The following VPS8 variants were observed in gnomAD, a reference collection of about 807,000 sequenced individuals.
VPS8 encodes the protein VPS8 subunit of CORVET complex, also known as vacuolar protein sorting-associated protein 8 homolog.
In VPS8, 129 loss-of-function variants were observed where a neutral mutation model predicts 216.4. The ratio of observed to expected loss-of-function variants is 0.60; its 90% confidence interval spans 0.52 to 0.69. The LOEUF (loss-of-function observed/expected upper bound fraction) is 0.69, where lower values mean the gene tolerates loss of function less well. Ranked by LOEUF, VPS8 falls within the 30% of genes least tolerant of loss-of-function variation. The pLI, the probability that VPS8 is intolerant of heterozygous loss-of-function variation, is 0.00. For synonymous variants in VPS8, 571 were observed against 565.4 expected, an observed-to-expected ratio of 1.01 and a Z score of -0.14; for missense variants, 1,531 against 1,683.5, an observed-to-expected ratio of 0.91 and a Z score of 1.59.
intron 28 of VPS8, among the ~76,000 whole-genome samples, chr3:184,918,253 G>A (rs1439253436): frequency 1.3e-5 from 2 of 152,264 alleles, no homozygotes; most frequent in East Asian, 1.9e-4. Context: ...ATGTTGACCC[G>A]TGGATTAGGA....
In VPS8 at chr3:184,915,472, C is replaced by G. The variant is rs369647716; in HGVS notation, c.2380C>G (p.Leu794Val). The change falls in exon 28 of 48, where the codon CTG (leucine) becomes GTG (valine). Residue 794 changes from leucine (L) to valine (V), a missense_variant and splice_region_variant. By Grantham distance (32) the Leu-to-Val change is conservative. Transcript: ENST00000625842. ...DTREFLNVLA[L>V]TFEDFKNDKQ... ...AAGAGAATTTCTAAATGTATTGGCA[C>G]TGGTAAGAGACAGTATTATTTTAAG... 6.2e-7 allele frequency: 1 copy of G among 1,613,292 alleles called. No homozygotes were observed. The highest frequency in any genetic ancestry group is 1.1e-5 in the South Asian group (1 of 91,048).
chr3:184,971,615 C>T, intron 39 of VPS8, 34 bp from the exon 40 acceptor site: 1 of 1,545,902 alleles, frequency 6.5e-7, no homozygotes, highest in Non-Finnish European at 8.9e-7. Flanking sequence ...AGCAACATAT[C>T]CTTAAATGAT....
In VPS8 at chr3:184,999,771, G is replaced by GAC; in HGVS notation, c.3914_3915dup (p.Cys1306HisfsTer11). On this transcript the variant is annotated frameshift_variant, in exon 45 of 48. Transcript: ENST00000625842. LOFTEE classifies it high-confidence loss of function. ...TGGAATTTGAGGGCCAAACAAGATGGACATGCTACAAATGCAGTTCAAGTA... is the reference window on the plus strand; with the variant it reads ...TGGAATTTGAGGGCCAAACAAGATGGACACATGCTACAAATGCAGTTCAAGTA... 2.5e-6 allele frequency: 4 copies of GAC among 1,613,150 alleles called. No homozygotes were observed. Among genetic ancestry groups the GAC allele is most frequent in the Non-Finnish European group, 3.4e-6 (4 of 1,179,616 alleles).
At chr3:185,005,658 T>C (rs896921119) in intron 45 of VPS8, among the ~76,000 whole-genome samples, 1 of 151,982 alleles carries the variant, frequency 6.6e-6, no homozygotes, top group Non-Finnish European at 1.5e-5. Context: ...TATTTATTCT[T>C]GCAGCTATTG....
At chr3:184,861,681 A>G (rs1726394299) in intron 15 of VPS8, among the ~76,000 whole-genome samples, 1 of 152,214 alleles carries the variant, frequency 6.6e-6, no homozygotes, top group Non-Finnish European at 1.5e-5. Context: ...ATTGTTTTGT[A>G]AATTACCCTT....
At chr3:184,902,607 G>A (rs1271730214) in intron 25 of VPS8, among the ~76,000 whole-genome samples, 9 of 151,322 alleles carry the variant, frequency 5.9e-5, no homozygotes, top group African/African-American at 1.9e-4. Context: ...TGAGGTGGGC[G>A]GATCACGAGG....
intron 28 of VPS8, 24 bp from the exon 29 acceptor site, chr3:184,920,103 A>G (rs1054076087): frequency 1.8e-5 from 27 of 1,461,984 alleles, no homozygotes; most frequent in Non-Finnish European, 2.3e-5. Context: ...TAATTACTTT[A>G]AAAAATTTAT....
intron 29 of VPS8, among the ~76,000 whole-genome samples, chr3:184,922,663 T>C (rs988227478): frequency 2.6e-5 from 4 of 152,202 alleles, no homozygotes; most frequent in African/African-American, 9.6e-5. Flanking sequence ...ATTATTTTTT[T>C]CATTTCTAGT....
At chr3:185,005,417 A>T (rs910407168) in intron 45 of VPS8, among the ~76,000 whole-genome samples, 1 of 152,082 alleles carries the variant, frequency 6.6e-6, no homozygotes, top group Non-Finnish European at 1.5e-5. Flanking sequence ...AAGAATGATG[A>T]TGGTATTTTG....
rs535719711 is a variant in VPS8 at position 184,984,482 on chromosome 3, C to T, written c.3585+1388C>T. Among the ~76,000 whole-genome samples the T allele has an allele frequency of 1.1e-3, 163 of 151,552 alleles. 4 individuals are homozygous for T. The South Asian group carries it at 0.033, about 30-fold the overall frequency. On this transcript the variant is annotated intron_variant, in intron 42 of 47. Coordinates refer to ENST00000625842, the MANE Select transcript of VPS8 (RefSeq NM_001009921.3). ...CTGATTTTGTATTTTTAGTAGAGAC[C>T]GGGTTTCTCCATGTTGGTCAGGCTG...
At chr3:184,860,763 G>A (rs1726204333) in intron 15 of VPS8, among the ~76,000 whole-genome samples, 1 of 150,702 alleles carries the variant, frequency 6.6e-6, no homozygotes, top group Non-Finnish European at 1.5e-5. Flanking sequence ...TTTTTTTCTT[G>A]CGGCTAAAAA....
chr3:184,938,096 G>C lies in VPS8; in HGVS notation c.2988+1761G>C, dbSNP rs182678420. ...GAGAAGAAGGTCTAGGCAAAAGATG[G>C]AGAGGACTAGCACTAAGTCAGTGGC... On this transcript the variant is annotated intron_variant, in intron 35 of 47. Transcript: ENST00000625842. Among the ~76,000 whole-genome samples, 175 of 152,282 alleles carry C rather than the reference G, an allele frequency of 1.1e-3. 1 individual carries two copies. Among genetic ancestry groups the C allele is most frequent in the African/African-American group, 4.0e-3 (168 of 41,560 alleles).
chr3:185,024,494 G>A, intron 46 of VPS8, 105 bp downstream of exon 46: 1 of 1,252,496 alleles, frequency 8.0e-7, no homozygotes, highest in Non-Finnish European at 1.1e-6. Flanking sequence ...TCATCTTAAT[G>A]CTGTCAAGGG....
chr3:184,870,632 A>T, intron 20 of VPS8, 84 bp from the exon 21 acceptor site: 2 of 962,824 alleles, frequency 2.1e-6, no homozygotes, highest in Middle Eastern at 2.2e-4. Flanking sequence ...AATTCTAATT[A>T]TGTATTATTT....
At chr3:184,830,969 GAT>G (rs1719862746) in intron 3 of VPS8, among the ~76,000 whole-genome samples, 1 of 152,206 alleles carries the variant, frequency 6.6e-6, no homozygotes, top group Non-Finnish European at 1.5e-5. Context: ...TAAAGCTATA[GAT>G]ATGGATGAGC....
chr3:184,956,465 A>G (rs1268107275), intron 36 of VPS8, among the ~76,000 whole-genome samples: 1 of 152,228 alleles, frequency 6.6e-6, no homozygotes, highest in Non-Finnish European at 1.5e-5. Context: ...GAACTGGGCT[A>G]GTTTTCCAAG....
intron 36 of VPS8, among the ~76,000 whole-genome samples, chr3:184,951,199 A>G (rs958942791): frequency 1.3e-5 from 2 of 152,140 alleles, no homozygotes; most frequent in African/African-American, 4.8e-5. Flanking sequence ...AATAATTTTA[A>G]TGTGGGCTAG....
chr3:184,949,739 AACATTCATTTATGTTTTGCTTAGTTGGC>A (rs1744312237), intron 36 of VPS8, among the ~76,000 whole-genome samples: 1 of 152,116 alleles, frequency 6.6e-6, no homozygotes, highest in Non-Finnish European at 1.5e-5. Flanking sequence ...GGCAGATTGG[AACATTCATTTATGTTTTGCTTAGTTGGC>A]AAAACTAAGG....
chr3:184,886,689 C>T (rs1731336094), intron 22 of VPS8, among the ~76,000 whole-genome samples: 1 of 152,000 alleles, frequency 6.6e-6, no homozygotes, highest in Admixed American at 6.5e-5. Flanking sequence ...AAGAGATTCT[C>T]CTGCCTCAGC....
Sources: allele counts gnomAD v4.1 joint callset (sites outside exome capture counted in the v4.1 genomes callset), GRCh38; gene constraint gnomAD v4.1.1; transcripts MANE v1.5; gene names NCBI Gene and HGNC (gene_info 2026-07-23, HGNC 2026-07-21).